The following GABBR2 variants were observed in gnomAD, a reference collection of about 807,000 sequenced individuals.
GABBR2 encodes the protein gamma-aminobutyric acid type B receptor subunit 2.
A neutral mutation model predicts 105.6 loss-of-function variants in GABBR2; 23 were observed. The observed-to-expected ratio is 0.22, with a 90% CI of 0.16 to 0.31. GABBR2 has a LOEUF of 0.31. Among genes scored for constraint, GABBR2 ranks in the 10% least tolerant of loss-of-function variants. The pLI is 1.00. For missense variants in GABBR2, 734 were observed against 1,245.5 expected (o/e 0.59, Z 6.18); for synonymous variants, 478 against 499.7 (o/e 0.96, Z 0.58).
At chr9:98,602,639 G>A (rs1829357567) in intron 1 of GABBR2, among the ~76,000 whole-genome samples, 1 of 152,078 alleles carries the variant, frequency 6.6e-6, no homozygotes, top group South Asian at 2.1e-4. Flanking sequence ...CTGCAATAAC[G>A]ATGATCATAA....
chr9:98,317,145 G>A (rs1207680666), intron 13 of GABBR2, among the ~76,000 whole-genome samples: 2 of 152,298 alleles, frequency 1.3e-5, no homozygotes, highest in South Asian at 2.1e-4. Flanking sequence ...TTGGTGCTGC[G>A]AGCTGAACTC....
chr9:98,590,985 G>A (rs926238117), intron 1 of GABBR2, among the ~76,000 whole-genome samples: 6 of 152,158 alleles, frequency 3.9e-5, no homozygotes, highest in South Asian at 2.1e-4. Context: ...TGCTGAAGAC[G>A]CATAAAAAGT....
rs561039846 is a variant in GABBR2, at chr9:98,624,741, A to T, written c.322-46669T>A. On this transcript the variant is annotated intron_variant, in intron 1 of 18. Coordinates refer to ENST00000259455, the MANE Select transcript of GABBR2 (RefSeq NM_005458.8). ...TGCACAGGATGCGGAGGAAGCTGGG[A>T]GCTGCAGAACGCTGAGGCCGGCTGC... Among the ~76,000 whole-genome samples the T allele has an allele frequency of 2.3e-4, 35 of 152,268 alleles. 1 individual carries two copies. Among genetic ancestry groups the T allele is most frequent in the Admixed American group, 1.6e-3 (24 of 15,296 alleles).
chr9:98,591,459 G>A (rs144912932), intron 1 of GABBR2, among the ~76,000 whole-genome samples: 156 of 152,314 alleles, frequency 1.0e-3, no homozygotes, highest in African/African-American at 3.4e-3. Flanking sequence ...GGGGAGTGCC[G>A]AGAGGGAAGA....
intron 1 of GABBR2, among the ~76,000 whole-genome samples, chr9:98,670,439 C>T (rs914359776): frequency 8.5e-5 from 13 of 152,128 alleles, no homozygotes; most frequent in Non-Finnish European, 1.9e-4. Context: ...TGGCGGTTCC[C>T]CCCTAAAAAT....
intron 3 of GABBR2, among the ~76,000 whole-genome samples, chr9:98,503,754 AG>A (rs1403622790): frequency 1.3e-5 from 2 of 152,102 alleles, no homozygotes; most frequent in Non-Finnish European, 2.9e-5. Context: ...TTTCTGGCTC[AG>A]GGTCTTTCAG....
At chr9:98,607,154 C>A in intron 1 of GABBR2, 1 of 1,610,240 alleles carries the variant, frequency 6.2e-7, no homozygotes, top group Non-Finnish European at 8.5e-7. Context: ...TCAGTTGCTG[C>A]TCACAATAGT....
chr9:98,605,914 T>A (rs963490390), intron 1 of GABBR2, among the ~76,000 whole-genome samples: 3 of 152,066 alleles, frequency 2.0e-5, no homozygotes, highest in African/African-American at 4.8e-5. Flanking sequence ...CCTAATGCTA[T>A]CCCTCCCCCG....
At chr9:98,575,443 C>T (rs1828894087) in intron 2 of GABBR2, among the ~76,000 whole-genome samples, 1 of 152,198 alleles carries the variant, frequency 6.6e-6, no homozygotes, top group African/African-American at 2.4e-5. Context: ...CCACAAAGAA[C>T]ACTTAGTTAG....
chr9:98,384,325 T>C (rs62574569), intron 11 of GABBR2, among the ~76,000 whole-genome samples: 10,007 of 152,256 alleles, frequency 0.066, 429 homozygotes, highest in Non-Finnish European at 0.092. Flanking sequence ...TGCTAATACA[T>C]AACCCCCTTT....
At chr9:98,564,474 G>A (rs866710940) in intron 2 of GABBR2, among the ~76,000 whole-genome samples, 10 of 152,136 alleles carry the variant, frequency 6.6e-5, no homozygotes, top group African/African-American at 2.4e-4. Flanking sequence ...CAGGGACTCC[G>A]GAGCCATTTA....
At chr9:98,404,360 A>G (rs1262889139) in intron 8 of GABBR2, among the ~76,000 whole-genome samples, 1 of 152,224 alleles carries the variant, frequency 6.6e-6, no homozygotes, top group African/African-American at 2.4e-5. Context: ...CCACAGAAAG[A>G]CGAATGGGTA....
At position 98,549,866 on chromosome 9, in the gene GABBR2, T is replaced by A. The variant is rs143388480; in HGVS notation, c.460-7823A>T. Among the ~76,000 whole-genome samples, 310 of 152,302 alleles carry A rather than the reference T, an allele frequency of 2.0e-3. 3 individuals carry two copies. Among genetic ancestry groups the A allele is most frequent in the Middle Eastern group, 6.8e-3 (2 of 294 alleles). ...TCTGATAATGATGGCATCCAGGTACTACCCAATCTACGACCAGACCACAGG... is the reference window on the plus strand; with the variant it reads ...TCTGATAATGATGGCATCCAGGTACAACCCAATCTACGACCAGACCACAGG... On this transcript the variant is annotated intron_variant, in intron 2 of 18. Transcript: ENST00000259455.
intron 1 of GABBR2, among the ~76,000 whole-genome samples, chr9:98,696,555 C>T (rs1830755806): frequency 6.6e-6 from 1 of 152,210 alleles, no homozygotes; most frequent in Admixed American, 6.5e-5. Flanking sequence ...GTAACGATCC[C>T]TGGGCCTCCT....
intron 1 of GABBR2, among the ~76,000 whole-genome samples, chr9:98,631,676 C>A (rs1181974702): frequency 1.3e-5 from 2 of 152,194 alleles, no homozygotes; most frequent in African/African-American, 4.8e-5. Flanking sequence ...TCCTCTAACT[C>A]ATCTCCCTCC....
At chr9:98,304,821 A>G (rs1830524983) in intron 15 of GABBR2, among the ~76,000 whole-genome samples, 1 of 104,584 alleles carries the variant, frequency 9.6e-6, no homozygotes, top group African/African-American at 3.9e-5. Flanking sequence ...CCAAGGCTAG[A>G]GTGCAATGGC....
At chr9:98,669,656 G>T (rs10125034) in intron 1 of GABBR2, among the ~76,000 whole-genome samples, 123,662 of 152,086 alleles carry the variant, frequency 0.81, 50,367 homozygotes, top group Middle Eastern at 0.91. Context: ...GCTTTATGTT[G>T]CTTCAAATCA....
At chr9:98,620,501 A>G (rs1211522670) in intron 1 of GABBR2, among the ~76,000 whole-genome samples, 1 of 152,178 alleles carries the variant, frequency 6.6e-6, no homozygotes, top group Non-Finnish European at 1.5e-5. Context: ...CTAGATTTAA[A>G]AAGAAATTCA....
intron 7 of GABBR2, among the ~76,000 whole-genome samples, chr9:98,434,155 C>T (rs765519579): frequency 3.9e-5 from 6 of 152,222 alleles, no homozygotes; most frequent in Admixed American, 6.5e-5. Flanking sequence ...TCTCAGCCTA[C>T]ATCTTTCTCC....
Sources: gnomAD v4.1 joint callset for allele counts (sites outside exome capture counted in the v4.1 genomes callset) on GRCh38, gnomAD v4.1.1 for gene constraint, MANE v1.5 for transcripts, NCBI Gene and HGNC (gene_info 2026-07-23, HGNC 2026-07-21) for gene names.